METTL16: variants seen among roughly 807,000 people sequenced by gnomAD.
METTL16 encodes methyltransferase 16, RNA N6-adenosine.
METTL16 carries 19 observed loss-of-function variants against 57.9 expected under a neutral mutation model. That is an observed-to-expected ratio of 0.33 (90% CI 0.23 to 0.48). The LOEUF (loss-of-function observed/expected upper bound fraction) is 0.48, where lower values mean the gene tolerates loss of function less well. METTL16 is among the 20% of genes least tolerant of loss of function. METTL16 has a pLI of 0.99. For missense variants in METTL16, 434 were observed against 691.5 expected (o/e 0.63, Z 4.18); for synonymous variants, 246 against 255.6 (o/e 0.96, Z 0.36).
chr17:2,423,559 TG>T (rs1423739178), intron 8 of METTL16, among the ~76,000 whole-genome samples: 2 of 152,096 alleles, frequency 1.3e-5, no homozygotes, highest in Non-Finnish European at 2.9e-5. Context: ...GGGAGGATGA[TG>T]GGGGTGGAGA....
rs144233173 is a variant in METTL16, at chr17:2,420,869, C to T, written c.924G>A (p.Pro308=). Residue 308 remains proline, a synonymous_variant, in exon 9 of 10, where the codon CCG becomes CCA. Transcript: ENST00000263092. The surrounding 1 kb of genome is among the most constrained non-coding windows in gnomAD (Gnocchi z 5.4). Reference sequence around the variant, plus strand: ...GCACCACGAATGTTATGGGTTTTCTCGGTTTCTCTAATTTTCTTCGCTTAC... The same window carrying T: ...GCACCACGAATGTTATGGGTTTTCTTGGTTTCTCTAATTTTCTTCGCTTAC... ...PPSKRRKLEK[P]RKPITFVVLA... The T allele has an allele frequency of 2.5e-5, 41 of 1,613,914 alleles. No individual in the cohort carries two copies. In the East Asian group the frequency reaches 5.6e-4, roughly 22 times the overall value.
chr17:2,500,270 T>TTTTTTC (rs112157035), intron 2 of METTL16, among the ~76,000 whole-genome samples: 3,859 of 151,712 alleles, frequency 0.025, 85 homozygotes, highest in African/African-American at 0.062. Context: ...CCTAATCTTC[T>TTTTTTC]TTTTTTCTTT....
In METTL16 at chr17:2,420,795, G is replaced by A. The variant is rs200496063; in HGVS notation, c.998C>T (p.Ser333Leu). 41 of 1,614,080 alleles carry A rather than the reference G, an allele frequency of 2.5e-5. No homozygotes were observed. Among genetic ancestry groups the A allele is most frequent in the Admixed American group, 5.0e-5 (3 of 60,004 alleles). ...ELSLKASPLR[S>L]ETAEGIVVVT... ...AACGACTATGCCTTCCGCCGTCTCCGAGCGCAGAGGTGATGCTTTGAGGGA... is the reference window on the plus strand; with the variant it reads ...AACGACTATGCCTTCCGCCGTCTCCAAGCGCAGAGGTGATGCTTTGAGGGA... Residue 333 changes from serine (S) to leucine (L), a missense_variant, in exon 9 of 10, where the codon TCG becomes TTG. Around this residue, in one of 5 missense-constraint regions of METTL16, gnomAD observed 96 missense variants for 138.3 expected, o/e 0.69. Coordinates refer to ENST00000263092, the MANE Select transcript of METTL16 (RefSeq NM_024086.4). This position sits in a 1 kb window ranked among gnomAD's most constrained non-coding sequence, Gnocchi z 5.4.
At chr17:2,439,125 G>T (rs7215587) in intron 7 of METTL16, among the ~76,000 whole-genome samples, 43,854 of 151,788 alleles carry the variant, frequency 0.29, 10,878 homozygotes, top group African/African-American at 0.68. Flanking sequence ...AAAATTTTTT[G>T]GGGAGACAGG....
At chr17:2,444,713 ATTT>A (rs1284220670) in intron 6 of METTL16, among the ~76,000 whole-genome samples, 1 of 129,310 alleles carries the variant, frequency 7.7e-6, no homozygotes. Flanking sequence ...CAGATGGACC[ATTT>A]TTTTTTTTTT....
intron 8 of METTL16, among the ~76,000 whole-genome samples, chr17:2,421,518 C>T (rs571423300): frequency 7.2e-5 from 11 of 152,270 alleles, no homozygotes; most frequent in African/African-American, 1.9e-4. Context: ...CCAGCCGCAC[C>T]GCACTGCCTT....
At chr17:2,430,801 T>G (rs2066868317) in intron 8 of METTL16, among the ~76,000 whole-genome samples, 1 of 152,088 alleles carries the variant, frequency 6.6e-6, no homozygotes, top group African/African-American at 2.4e-5. Flanking sequence ...TCTTAAGAAC[T>G]TATTTACCAG....
Position 2,418,197 on chromosome 17 carries a change from TACACACACACAC to T in METTL16, c.*1761_*1772del, listed in dbSNP as rs5818855. 4 of 149,620 alleles carry T rather than the reference TACACACACACAC, an allele frequency of 2.7e-5. No homozygotes were observed. Among genetic ancestry groups the T allele is most frequent in the Admixed American group, 2.0e-4 (3 of 15,026 alleles). The allele number at this position is 149,620 out of a possible 1,614,324, so 9.3% of individuals were successfully genotyped here. ...GGAACCCTCTCTCCAGGAAAAAAAA[TACACACACACAC>T]ACACACACACACACATGCTCACAGA... On this transcript the variant is annotated 3_prime_UTR_variant, in exon 10 of 10. Coordinates refer to ENST00000263092, the MANE Select transcript of METTL16 (RefSeq NM_024086.4).
intron 1 of METTL16, among the ~76,000 whole-genome samples, chr17:2,510,268 C>G (rs751774232): frequency 2.6e-4 from 39 of 152,108 alleles, no homozygotes; most frequent in Non-Finnish European, 5.1e-4. Flanking sequence ...GTATTCACCA[C>G]TTTGAGTATT....
chr17:2,449,678 C>T (rs1375589388), intron 6 of METTL16, among the ~76,000 whole-genome samples: 4 of 152,090 alleles, frequency 2.6e-5, no homozygotes, highest in South Asian at 2.1e-4. Context: ...CTCACTTACA[C>T]GGTCAGCTGA....
In METTL16 at chr17:2,477,867, G is replaced by A. The variant is rs202203909; in HGVS notation, c.147C>T (p.Pro49=). 704 of 1,613,644 alleles carry A rather than the reference G, an allele frequency of 4.4e-4. No individual in the cohort carries two copies. Among genetic ancestry groups the A allele is most frequent in the Non-Finnish European group, 5.6e-4 (661 of 1,179,794 alleles). ...NGRVSLNFKD[P]EAVRALTCTL... ...TACACGTCAGAGCTCTGACTGCTTC[G>A]GGGTCTTTAAAATTAAGGCTGAGGA... The change falls in exon 3 of 10, where the codon CCC becomes CCT. Residue 49 remains proline, a synonymous_variant. Transcript: ENST00000263092.
At chr17:2,498,508 T>TG (rs1465183385) in intron 2 of METTL16, among the ~76,000 whole-genome samples, 1 of 151,378 alleles carries the variant, frequency 6.6e-6, no homozygotes, top group African/African-American at 2.5e-5. Flanking sequence ...GAGGTTGAGG[T>TG]GGGCAGATCA....
intron 5 of METTL16, among the ~76,000 whole-genome samples, 188 bp downstream of exon 5, chr17:2,467,573 G>A (rs1465586365): frequency 6.6e-6 from 1 of 152,126 alleles, no homozygotes; most frequent in African/African-American, 2.4e-5. Context: ...TTACAGGCAT[G>A]GGCCATGACG....
chr17:2,502,388 G>A (rs1208511680), intron 1 of METTL16, 57 bp from the exon 2 acceptor site: 4 of 1,567,356 alleles, frequency 2.6e-6, no homozygotes, highest in Middle Eastern at 1.7e-4. Flanking sequence ...CCATTAATGG[G>A]GGCCGGGTGC....
intron 1 of METTL16, among the ~76,000 whole-genome samples, chr17:2,507,421 G>T (rs1375434134): frequency 3.2e-4 from 47 of 149,202 alleles, no homozygotes; most frequent in African/African-American, 1.0e-3. Flanking sequence ...TCCGGGAGGT[G>T]AGGGGTGCCT....
intron 4 of METTL16, among the ~76,000 whole-genome samples, chr17:2,469,022 G>A (rs1307082255): frequency 3.3e-5 from 5 of 151,890 alleles, no homozygotes; most frequent in African/African-American, 4.9e-5. Flanking sequence ...ATCACTTGAG[G>A]TCAGGAGTTC....
chr17:2,453,678 CT>C (rs1168832046), intron 6 of METTL16, among the ~76,000 whole-genome samples: 1 of 152,110 alleles, frequency 6.6e-6, no homozygotes, highest in Non-Finnish European at 1.5e-5. Flanking sequence ...TATCCTGTTC[CT>C]TTTCAAATTT....
At chr17:2,507,504 G>T (rs1414661755) in intron 1 of METTL16, among the ~76,000 whole-genome samples, 1 of 136,224 alleles carries the variant, frequency 7.3e-6, no homozygotes, top group African/African-American at 2.8e-5. Flanking sequence ...GAGGGAGGTG[G>T]GGGGGTCAGC....
At chr17:2,453,204 A>G (rs1273091831) in intron 6 of METTL16, among the ~76,000 whole-genome samples, 1 of 152,150 alleles carries the variant, frequency 6.6e-6, no homozygotes, top group African/African-American at 2.4e-5. Flanking sequence ...GAATTATCAA[A>G]TTGCTAAAAC....
Sources: allele counts gnomAD v4.1 joint callset (sites outside exome capture counted in the v4.1 genomes callset), GRCh38; gene constraint gnomAD v4.1.1; regional missense constraint gnomAD v4.1.1; non-coding constraint Gnocchi (gnomAD v3.1); transcripts MANE v1.5; gene names NCBI Gene and HGNC (gene_info 2026-07-23, HGNC 2026-07-21).